Variants in CES4A observed in about 807,000 individuals in gnomAD.
The protein encoded by CES4A is carboxylesterase 6.
In CES4A, 48 loss-of-function variants were observed where a neutral mutation model predicts 65.4. The ratio of observed to expected loss-of-function variants is 0.73; its 90% CI spans 0.58 to 0.93. The LOEUF is 0.93. Among genes scored for constraint, CES4A ranks in the 40% least tolerant of loss-of-function variants. The pLI is 0.00. For synonymous variants in CES4A, 247 were observed against 281.8 expected (o/e 0.88, Z 1.24); for missense variants, 685 against 728.5 (o/e 0.94, Z 0.69).
At chr16:66,994,824 A>G (rs1218138057) in intron 1 of CES4A, among the ~76,000 whole-genome samples, 1 of 140,886 alleles carries the variant, frequency 7.1e-6, no homozygotes, top group Non-Finnish European at 1.5e-5. Context: ...GGGCAAAAAC[A>G]GCGAAACTCC....
intron 13 of CES4A, chr16:67,007,787 AT>A (rs1358258213): frequency 0.03 from 4,217 of 138,912 alleles, 54 homozygotes; most frequent in Middle Eastern, 0.038. Flanking sequence ...TGCCCGTCTA[AT>A]TTTTTTTTTT....
intron 1 of CES4A, among the ~76,000 whole-genome samples, chr16:66,990,249 CGCCATGCTGGCCA>C (rs1964282106): frequency 6.6e-6 from 1 of 152,054 alleles, no homozygotes; most frequent in South Asian, 2.1e-4. Flanking sequence ...GATGGGGTTT[CGCCATGCTGGCCA>C]GGCAGGTCTC....
chr16:66,989,783 AG>A (rs2145564732), intron 1 of CES4A, among the ~76,000 whole-genome samples: 1 of 151,850 alleles, frequency 6.6e-6, no homozygotes, highest in African/African-American at 2.4e-5. Context: ...TGAAGCCAGG[AG>A]GCAGAGGTTG....
In CES4A at chr16:67,003,329, G is replaced by C. The variant is rs1424103947; in HGVS notation, c.869G>C (p.Gly290Ala). The change falls in exon 7 of 14, where the codon GGG (glycine) becomes GCG (alanine). Residue 290 changes from glycine to alanine, a missense_variant. By Grantham distance (60) the Gly-to-Ala change is moderately conservative. Transcript: ENST00000648724. This position sits in a 1 kb window ranked among gnomAD's most constrained non-coding sequence, Gnocchi z 4.2. ...GTAAACTGCCTGAGGGCACTATCAG[G>C]GACCAAGGTGATGCGTGTGTCCAAC... The C allele has an allele frequency of 6.2e-7, 1 of 1,614,008 alleles. No individual in the cohort carries two copies.
At chr16:66,994,216 T>TTTTTTTTATTTA (rs142836802) in intron 1 of CES4A, among the ~76,000 whole-genome samples, 3 of 144,118 alleles carry the variant, frequency 2.1e-5, no homozygotes, top group African/African-American at 8.1e-5. Flanking sequence ...AGACATAAAT[T>TTTTTTTTATTTA]TTTATTTATT....
intron 1 of CES4A, among the ~76,000 whole-genome samples, chr16:66,990,980 G>A (rs946302172): frequency 1.3e-5 from 2 of 152,014 alleles, no homozygotes; most frequent in Non-Finnish European, 2.9e-5. Context: ...ATTACTGAGT[G>A]AAGGCATGTG....
intron 1 of CES4A, among the ~76,000 whole-genome samples, chr16:66,992,715 C>G (rs1388275380): frequency 6.6e-6 from 1 of 152,190 alleles, no homozygotes; most frequent in Admixed American, 6.6e-5. Context: ...GAGTCTTGCT[C>G]TGTTGCCCAG....
intron 2 of CES4A, among the ~76,000 whole-genome samples, chr16:66,997,700 G>T (rs1180662609): frequency 1.3e-5 from 2 of 152,186 alleles, no homozygotes; most frequent in African/African-American, 4.8e-5. Context: ...GCCAGGAGCA[G>T]TGGCTCATGC....
Position 67,005,388 on chromosome 16 carries a change from A to G in CES4A, c.1310A>G (p.His437Arg), listed in dbSNP as rs1965676344. 3.1e-6 allele frequency: 5 copies of G among 1,613,552 alleles called. No homozygotes were observed. Among genetic ancestry groups the G allele is most frequent in the Non-Finnish European group, 4.2e-6 (5 of 1,179,866 alleles). ...GCCACACTGCAGACTGCTCACTACCACCGAGGTATGCAGGGTCCCCAAGAG... is the reference window on the plus strand; with the variant it reads ...GCCACACTGCAGACTGCTCACTACCGCCGAGGTATGCAGGGTCCCCAAGAG... The change falls in exon 11 of 14, where the codon CAC (histidine) becomes CGC (arginine). Residue 437 changes from histidine to arginine, a missense_variant. Coordinates refer to ENST00000648724, the Ensembl canonical transcript of CES4A.
chr16:67,001,178 A>C lies in CES4A; in HGVS notation c.537-130A>C, dbSNP rs1965308633. ...GGATGGGGCGAGCTAACTCCAAGGA[A>C]GGGGGTGTGGTCGCAGGACTGGGTC... On this transcript the variant is annotated intron_variant, in intron 4 of 13. Transcript: ENST00000648724. The surrounding 1 kb of genome is among the most constrained non-coding windows in gnomAD (Gnocchi z 4.1). 3.8e-6 allele frequency: 5 copies of C among 1,309,848 alleles called. No individual in the cohort carries two copies. The highest frequency in any genetic ancestry group is 5.1e-6 in the Non-Finnish European group (5 of 984,054). The allele number at this position is 1,309,848 out of a possible 1,614,324, so 81.1% of individuals were successfully genotyped here.
intron 8 of CES4A, 45 bp from the exon 9 acceptor site, chr16:67,004,039 G>A: frequency 6.2e-7 from 1 of 1,609,460 alleles, no homozygotes; most frequent in South Asian, 1.1e-5. Flanking sequence ...GGGACCCTGG[G>A]AGGATACTTG....
intron 13 of CES4A, chr16:67,007,943 C>G (rs1474625939): frequency 3.3e-5 from 5 of 152,208 alleles, no homozygotes; most frequent in African/African-American, 9.7e-5. Flanking sequence ...TGCCACCATG[C>G]CTGGCTAATT....
At chr16:66,997,473 G>A (rs1964947380) in intron 2 of CES4A, among the ~76,000 whole-genome samples, 1 of 152,120 alleles carries the variant, frequency 6.6e-6, no homozygotes, top group African/African-American at 2.4e-5. Context: ...GGTAGTTACG[G>A]GGGAGGTGGA....
chr16:67,008,912 TGAAA>T lies in CES4A; in HGVS notation c.1518-54_1518-51del, dbSNP rs1368446557. The T allele has an allele frequency of 4.6e-6, 7 of 1,536,298 alleles. No individual in the cohort carries two copies. In the East Asian group the frequency reaches 9.0e-5, roughly 20 times the overall value. ...AAGGGCAAATTAAACGAGGGAAGGG[TGAAA>T]GAAAGAAGCAGGATGAAAAGGAACA... On this transcript the variant is annotated intron_variant, in intron 13 of 13. Coordinates refer to ENST00000648724, the Ensembl canonical transcript of CES4A.
In CES4A at chr16:67,001,080, T is replaced by TGG. The variant is rs747522815; in HGVS notation, c.536+97_536+98dup. On this transcript the variant is annotated intron_variant, in intron 4 of 13. Coordinates refer to ENST00000648724, the Ensembl canonical transcript of CES4A. This position sits in a 1 kb window ranked among gnomAD's most constrained non-coding sequence, Gnocchi z 4.1. ...GGAGGGGCGGGGCCTGGGGCGGGGA[T>TGG]GGGGGGGGTGGGGCCGCGAGGCGGG... The TGG allele has an allele frequency of 2.1e-4, 35 of 164,374 alleles. No homozygotes were observed. Among genetic ancestry groups the TGG allele is most frequent in the African/African-American group, 1.9e-3 (24 of 12,410 alleles). 10.2% of individuals were successfully genotyped at this position (164,374 alleles called of 1,614,324 possible).
intron 2 of CES4A, among the ~76,000 whole-genome samples, chr16:66,998,400 G>A (rs780985546): frequency 3.3e-5 from 5 of 151,884 alleles, no homozygotes; most frequent in African/African-American, 4.8e-5. Flanking sequence ...TACCAACCTG[G>A]GCAACATAGT....
chr16:66,991,906 C>G (rs1964423304), intron 1 of CES4A, among the ~76,000 whole-genome samples: 1 of 151,616 alleles, frequency 6.6e-6, no homozygotes, highest in Non-Finnish European at 1.5e-5. Flanking sequence ...GCCAAGAGTT[C>G]AAGACCAGCC....
At chr16:66,993,733 T>C (rs1964578538) in intron 1 of CES4A, among the ~76,000 whole-genome samples, 1 of 152,236 alleles carries the variant, frequency 6.6e-6, no homozygotes, top group South Asian at 2.1e-4. Context: ...GATGCGAGTA[T>C]GCATATGAGT....
At position 67,005,223 on chromosome 16, in the gene CES4A, G is replaced by A. The variant is rs755375056; in HGVS notation, c.1162-17G>A. 7 of 1,613,956 alleles carry A rather than the reference G, an allele frequency of 4.3e-6. No individual in the cohort carries two copies. Among genetic ancestry groups the A allele is most frequent in the Admixed American group, 3.3e-5 (2 of 59,998 alleles). On this transcript the variant is annotated splice_polypyrimidine_tract_variant and intron_variant, in intron 10 of 13. Transcript: ENST00000648724. Reference sequence around the variant, plus strand: ...GCTGGCACCCAGGCCTCAGGTAAGTGTGGCCTCCTCACTCAGAATATCACC... The same window carrying A: ...GCTGGCACCCAGGCCTCAGGTAAGTATGGCCTCCTCACTCAGAATATCACC...
Sources: allele counts gnomAD v4.1 joint callset (sites outside exome capture counted in the v4.1 genomes callset), GRCh38; gene constraint gnomAD v4.1.1; non-coding constraint Gnocchi (gnomAD v3.1); transcripts MANE v1.5; gene names NCBI Gene and HGNC (gene_info 2026-07-23, HGNC 2026-07-21).